PRKN: variants seen among roughly 807,000 people sequenced by gnomAD.
PRKN encodes E3 ubiquitin-protein ligase parkin.
A neutral mutation model predicts 59.5 loss-of-function variants in PRKN; 56 were observed. The observed-to-expected ratio is 0.94, with a 90% CI of 0.76 to 1.18. PRKN has a LOEUF of 1.18. Ranked by LOEUF, PRKN falls within the 50% of genes most tolerant of loss-of-function variation. The pLI is 0.00. For missense variants in PRKN, 657 were observed against 596.4 expected (o/e 1.10, Z -1.06); for synonymous variants, 250 against 222.1 (o/e 1.13, Z -1.12).
At chr6:161,779,435 C>CTT (rs1583153971) in intron 7 of PRKN, among the ~76,000 whole-genome samples, 2 of 40,432 alleles carry the variant, frequency 4.9e-5, no homozygotes, top group East Asian at 1.6e-3. Context: ...TTTTTCTTTT[C>CTT]TTTTCTTTTT....
intron 1 of PRKN, 33 bp downstream of exon 1, chr6:162,727,629 C>T (rs1779346289): frequency 2.5e-6 from 4 of 1,579,108 alleles, no homozygotes; most frequent in Non-Finnish European, 3.4e-6. Flanking sequence ...TGGGGCGGCG[C>T]AGAGAGGCTG....
chr6:161,994,828 A>G (rs1367942983), intron 5 of PRKN, among the ~76,000 whole-genome samples: 3 of 152,136 alleles, frequency 2.0e-5, no homozygotes, highest in East Asian at 1.9e-4. Flanking sequence ...AAACCAATGG[A>G]AAGACATGCC....
intron 4 of PRKN, among the ~76,000 whole-genome samples, chr6:162,062,210 T>C (rs1418693303): frequency 6.6e-6 from 1 of 152,218 alleles, no homozygotes; most frequent in Non-Finnish European, 1.5e-5. Flanking sequence ...AGATGTAGTA[T>C]GACTATTCAG....
chr6:162,285,599 G>A (rs1781152350), intron 2 of PRKN, among the ~76,000 whole-genome samples: 2 of 152,120 alleles, frequency 1.3e-5, no homozygotes, highest in South Asian at 2.1e-4. Context: ...CTCAAGAACT[G>A]TATTAAGCAC....
rs578249814 is a variant in PRKN, at chr6:162,330,580, T to C, written c.172-67815A>G. 2.0e-3 allele frequency among the ~76,000 whole-genome samples: 302 copies of C among 152,326 alleles called. 2 individuals are homozygous for C. Among genetic ancestry groups the C allele is most frequent in the African/African-American group, 7.0e-3 (293 of 41,584 alleles). ...CCTGCAAGCTCAGAACCAAGTCTGC[T>C]ATGCATTCCTTCTGTGTTTTGTACA... On this transcript the variant is annotated intron_variant, in intron 2 of 11. Coordinates refer to ENST00000366898, the MANE Select transcript of PRKN (RefSeq NM_004562.3).
chr6:162,316,555 C>T (rs376133453), intron 2 of PRKN, among the ~76,000 whole-genome samples: 10 of 151,890 alleles, frequency 6.6e-5, no homozygotes, highest in African/African-American at 1.9e-4. Context: ...CACATTCCAC[C>T]GACAAACAGC....
chr6:162,065,351 A>G (rs549694657), intron 4 of PRKN, among the ~76,000 whole-genome samples: 3 of 152,228 alleles, frequency 2.0e-5, no homozygotes, highest in South Asian at 2.1e-4. Context: ...TCCAGCATGA[A>G]AGAAAGATGG....
chr6:161,453,346 ACTTCT>A (rs1357409508), intron 9 of PRKN, among the ~76,000 whole-genome samples: 2 of 152,138 alleles, frequency 1.3e-5, no homozygotes, highest in Non-Finnish European at 2.9e-5. Context: ...TCCTTCAGAT[ACTTCT>A]CAGACTCTTG....
In PRKN at chr6:161,462,993, C is replaced by A. The variant is rs965163279; in HGVS notation, c.1084-76116G>T. On this transcript the variant is annotated intron_variant, in intron 9 of 11. Coordinates refer to ENST00000366898, the MANE Select transcript of PRKN (RefSeq NM_004562.3). This position sits in a 1 kb window ranked among gnomAD's most constrained non-coding sequence, Gnocchi z 4.5. ...TGTCAGAAGTTCTATGTATAGTAGA[C>A]TGCAATGTACTGGAAGCAACAGGAA... 6.6e-6 allele frequency among the ~76,000 whole-genome samples: 1 copy of A among 152,142 alleles called. No individual in the cohort carries two copies. Among genetic ancestry groups the A allele is most frequent in the Admixed American group, 6.6e-5 (1 of 15,264 alleles).
At chr6:161,630,356 T>A (rs1463850976) in intron 7 of PRKN, among the ~76,000 whole-genome samples, 1 of 152,186 alleles carries the variant, frequency 6.6e-6, no homozygotes, top group Non-Finnish European at 1.5e-5. Flanking sequence ...GTAGATGAGA[T>A]GCTTTGAAGT....
intron 6 of PRKN, among the ~76,000 whole-genome samples, chr6:161,825,852 A>G (rs1562319864): frequency 6.6e-6 from 1 of 152,124 alleles, no homozygotes; most frequent in Admixed American, 6.5e-5. Context: ...ATTTTCACTA[A>G]GAGTCCTCTG....
intron 4 of PRKN, among the ~76,000 whole-genome samples, chr6:162,197,324 G>T (rs1784534307): frequency 6.6e-6 from 1 of 152,132 alleles, no homozygotes; most frequent in African/African-American, 2.4e-5. Flanking sequence ...GTTACTGAAT[G>T]TGTATTTTTG....
At chr6:162,372,165 T>C (rs571620627) in intron 2 of PRKN, among the ~76,000 whole-genome samples, 142 of 152,330 alleles carry the variant, frequency 9.3e-4, no homozygotes, top group African/African-American at 3.4e-3. Flanking sequence ...TGCACAGCTA[T>C]AGAGAAAACA....
At chr6:161,492,078 G>A (rs1777580364) in intron 9 of PRKN, among the ~76,000 whole-genome samples, 1 of 152,122 alleles carries the variant, frequency 6.6e-6, no homozygotes, top group African/African-American at 2.4e-5. Context: ...CTCAGTACAT[G>A]TTAGCTGTCA....
At chr6:161,959,910 C>T (rs897452345) in intron 6 of PRKN, among the ~76,000 whole-genome samples, 4 of 152,152 alleles carry the variant, frequency 2.6e-5, no homozygotes, top group African/African-American at 7.2e-5. Flanking sequence ...ACAATGAAAT[C>T]GGTGGTGGGT....
chr6:161,562,305 C>T lies in PRKN; in HGVS notation c.933+7050G>A, dbSNP rs1044027080. Reference sequence around the variant, plus strand: ...AAATTGCCATTCCTCCTCCGGAAGGCCCGCCTACTTGCCTTCTCAGCTTCC... The same window carrying T: ...AAATTGCCATTCCTCCTCCGGAAGGTCCGCCTACTTGCCTTCTCAGCTTCC... On this transcript the variant is annotated intron_variant, in intron 8 of 11. Transcript: ENST00000366898. This position sits in a 1 kb window ranked among gnomAD's most constrained non-coding sequence, Gnocchi z 4.3. Among the ~76,000 whole-genome samples, 1 of 152,196 alleles carries T rather than the reference C, an allele frequency of 6.6e-6. No homozygotes were observed. Among genetic ancestry groups the T allele is most frequent in the African/African-American group, 2.4e-5 (1 of 41,440 alleles).
chr6:161,757,106 T>A (rs988914691), intron 7 of PRKN, among the ~76,000 whole-genome samples: 3 of 152,186 alleles, frequency 2.0e-5, no homozygotes, highest in Non-Finnish European at 4.4e-5. Context: ...AGATCAGATA[T>A]CTTAATATAA....
intron 4 of PRKN, among the ~76,000 whole-genome samples, chr6:162,086,398 G>T (rs1462440879): frequency 4.0e-5 from 6 of 151,558 alleles, no homozygotes; most frequent in Admixed American, 3.9e-4. Flanking sequence ...AAACTCCATG[G>T]CACACAAGCA....
At chr6:162,609,057 G>T (rs1365060584) in intron 1 of PRKN, among the ~76,000 whole-genome samples, 1 of 152,200 alleles carries the variant, frequency 6.6e-6, no homozygotes, top group African/African-American at 2.4e-5. Flanking sequence ...CACCATCTCA[G>T]CTTCTTCACA....
Sources: allele counts gnomAD v4.1 joint callset (sites outside exome capture counted in the v4.1 genomes callset), GRCh38; gene constraint gnomAD v4.1.1; non-coding constraint Gnocchi (gnomAD v3.1); transcripts MANE v1.5; gene names NCBI Gene and HGNC (gene_info 2026-07-23, HGNC 2026-07-21).